The following UNC5D variants were observed in gnomAD, a reference collection of about 807,000 sequenced individuals.
UNC5D encodes unc-5 netrin receptor D, also known as netrin receptor UNC5D.
In UNC5D, 39 loss-of-function variants were observed where a neutral mutation model predicts 105.4. The ratio of observed to expected loss-of-function variants is 0.37; its 90% CI spans 0.29 to 0.48. The LOEUF (loss-of-function observed/expected upper bound fraction) is 0.48. Among genes scored for constraint, UNC5D ranks in the 20% least tolerant of loss-of-function variants. The probability of loss-of-function intolerance (pLI) is 0.98; values close to 1 mark genes in which losing one functional copy is unlikely to be tolerated. For synonymous variants in UNC5D, 452 were observed against 450.4 expected, an observed-to-expected ratio of 1.00 and a Z score of -0.04; for missense variants, 991 against 1,202.4, an observed-to-expected ratio of 0.82 and a Z score of 2.60.
chr8:35,235,981 C>T (rs1363377180), intron 1 of UNC5D, 94 bp downstream of exon 1: 2 of 1,104,092 alleles, frequency 1.8e-6, no homozygotes, highest in Admixed American at 4.3e-5. Flanking sequence ...GGCTTCCCAA[C>T]TTGCGCCCTG....
At chr8:35,498,733 G>A (rs1239774824) in intron 1 of UNC5D, among the ~76,000 whole-genome samples, 1 of 152,032 alleles carries the variant, frequency 6.6e-6, no homozygotes, top group African/African-American at 2.4e-5. Flanking sequence ...CATGGTGATT[G>A]TGTATAAAGG....
chr8:35,414,500 T>A (rs1805405072), intron 1 of UNC5D, among the ~76,000 whole-genome samples: 1 of 152,150 alleles, frequency 6.6e-6, no homozygotes, highest in Non-Finnish European at 1.5e-5. Context: ...TAACTTTTTA[T>A]TTACTAACCT....
intron 7 of UNC5D, among the ~76,000 whole-genome samples, chr8:35,700,609 G>A (rs1827124320): frequency 6.6e-6 from 1 of 152,186 alleles, no homozygotes; most frequent in Non-Finnish European, 1.5e-5. Context: ...AAACTTTTCT[G>A]TAAGAACCCT....
At chr8:35,652,857 TCTC>T (rs1000481526) in intron 4 of UNC5D, among the ~76,000 whole-genome samples, 1 of 151,468 alleles carries the variant, frequency 6.6e-6, no homozygotes, top group African/African-American at 2.4e-5. Flanking sequence ...AACTACTTCT[TCTC>T]CAACTTTTAA....
intron 1 of UNC5D, among the ~76,000 whole-genome samples, chr8:35,527,343 T>C (rs1451218816): frequency 6.6e-6 from 1 of 152,166 alleles, no homozygotes; most frequent in African/African-American, 2.4e-5. Context: ...TTCAGACCAC[T>C]ATAACAAAAA....
intron 1 of UNC5D, among the ~76,000 whole-genome samples, chr8:35,285,687 G>A (rs1182315443): frequency 1.3e-5 from 2 of 152,128 alleles, no homozygotes; most frequent in African/African-American, 2.4e-5. Context: ...TTACTGAAGA[G>A]GTCTTTCTGG....
At position 35,734,460 on chromosome 8, in the gene UNC5D, G is replaced by T. The variant is rs565658287; in HGVS notation, c.1766+3364G>T. Among the ~76,000 whole-genome samples, 43 of 152,030 alleles carry T rather than the reference G, an allele frequency of 2.8e-4. 1 individual carries two copies. The highest frequency in any genetic ancestry group is 2.2e-4 in the Non-Finnish European group (15 of 67,998). Reference sequence around the variant, plus strand: ...AGTTTTGCTCTTGTTGCCCAGGCTGGAGTGCAATGGCGTGATCTCGACTCA... The same window carrying T: ...AGTTTTGCTCTTGTTGCCCAGGCTGTAGTGCAATGGCGTGATCTCGACTCA... On this transcript the variant is annotated intron_variant, in intron 11 of 16. Coordinates refer to ENST00000404895, the MANE Select transcript of UNC5D (RefSeq NM_080872.4).
chr8:35,497,822 A>T (rs1375606494), intron 1 of UNC5D, among the ~76,000 whole-genome samples: 1 of 151,904 alleles, frequency 6.6e-6, no homozygotes, highest in Non-Finnish European at 1.5e-5. Flanking sequence ...GTAATCCAAG[A>T]TCTTTGGGAG....
At chr8:35,603,506 G>T (rs1319476387) in intron 4 of UNC5D, among the ~76,000 whole-genome samples, 1 of 152,222 alleles carries the variant, frequency 6.6e-6, no homozygotes, top group South Asian at 2.1e-4. Context: ...GTGCTGAAAA[G>T]AATGTATATT....
At chr8:35,263,037 A>G (rs962360980) in intron 1 of UNC5D, among the ~76,000 whole-genome samples, 7 of 152,140 alleles carry the variant, frequency 4.6e-5, no homozygotes, top group African/African-American at 1.4e-4. Flanking sequence ...ATCTCTCACC[A>G]CTGTCCACTC....
At chr8:35,470,153 A>C (rs981290665) in intron 1 of UNC5D, among the ~76,000 whole-genome samples, 19 of 152,214 alleles carry the variant, frequency 1.2e-4, no homozygotes. Flanking sequence ...CTAGTAATTG[A>C]GGAGACAAAT....
At chr8:35,722,780 T>C (rs982569548) in intron 9 of UNC5D, among the ~76,000 whole-genome samples, 2 of 152,220 alleles carry the variant, frequency 1.3e-5, no homozygotes, top group African/African-American at 4.8e-5. Context: ...TATTACAGCC[T>C]CCCAGGTATA....
Position 35,459,189 on chromosome 8 carries a change from ATAAT to A in UNC5D, c.104-90101_104-90098del, listed in dbSNP as rs767977296. On this transcript the variant is annotated intron_variant, in intron 1 of 16. Transcript: ENST00000404895. ...CAGGCTAATTGATCTGACTGCATAA[ATAAT>A]TCTGGCTCCTTAAGGATTAACACCA... Among the ~76,000 whole-genome samples, 51 of 152,270 alleles carry A rather than the reference ATAAT, an allele frequency of 3.3e-4. 1 individual carries two copies. The highest frequency in any genetic ancestry group is 2.4e-3 in the Admixed American group (36 of 15,288).
chr8:35,283,992 A>C (rs1200656289), intron 1 of UNC5D, among the ~76,000 whole-genome samples: 1 of 152,206 alleles, frequency 6.6e-6, no homozygotes, highest in Non-Finnish European at 1.5e-5. Context: ...AGTTTTAACA[A>C]GAGTAATTTC....
In UNC5D at chr8:35,686,701, G is replaced by T; in HGVS notation, c.1076G>T (p.Cys359Phe). ...QESENCTDGLCILDKKPLHEI... is the reference protein window; with the variant it reads ...QESENCTDGLFILDKKPLHEI... ...TCTGAAAACTGCACAGATGGTCTTT[G>T]CATCCTAGGTAACACTTTTGCTTTA... Residue 359 changes from cysteine to phenylalanine, a missense_variant, in exon 7 of 17, where the codon TGC becomes TTC. Cys to Phe is a radical substitution (Grantham distance 205). Around this residue, in one of 3 missense-constraint regions of UNC5D, gnomAD observed 944 missense variants for 1,131.6 expected, o/e 0.83. Coordinates refer to ENST00000404895, the MANE Select transcript of UNC5D (RefSeq NM_080872.4). The T allele has an allele frequency of 6.3e-7, 1 of 1,592,388 alleles. No individual in the cohort carries two copies. The highest frequency in any genetic ancestry group is 8.5e-7 in the Non-Finnish European group (1 of 1,171,510).
intron 4 of UNC5D, among the ~76,000 whole-genome samples, chr8:35,663,197 G>C (rs1314835749): frequency 6.6e-6 from 1 of 152,168 alleles, no homozygotes; most frequent in Non-Finnish European, 1.5e-5. Context: ...ATTGACCTGA[G>C]GAGCTACTGA....
chr8:35,394,040 C>T (rs1279131093), intron 1 of UNC5D, among the ~76,000 whole-genome samples: 2 of 151,092 alleles, frequency 1.3e-5, no homozygotes, highest in African/African-American at 4.9e-5. Context: ...TTATCTTTTT[C>T]CTTTTTTTTC....
chr8:35,603,033 G>T (rs766082617), intron 4 of UNC5D, among the ~76,000 whole-genome samples: 41 of 151,972 alleles, frequency 2.7e-4, no homozygotes, highest in Non-Finnish European at 4.4e-4. Context: ...GGTTTTTTGT[G>T]TCTCTATTTC....
chr8:35,413,291 GT>G (rs752744931), intron 1 of UNC5D, among the ~76,000 whole-genome samples: 98 of 6,702 alleles, frequency 0.015, no homozygotes, highest in Admixed American at 0.045. Flanking sequence ...GTGTGTGTGT[GT>G]TGTGTGTGTG....
Sources: allele counts gnomAD v4.1 joint callset (sites outside exome capture counted in the v4.1 genomes callset), GRCh38; gene constraint gnomAD v4.1.1; regional missense constraint gnomAD v4.1.1; transcripts MANE v1.5; gene names NCBI Gene and HGNC (gene_info 2026-07-23, HGNC 2026-07-21).